Variants in ITPR1 observed in about 807,000 individuals in gnomAD.
ITPR1 encodes inositol 1,4,5-trisphosphate-gated calcium channel ITPR1.
ITPR1 carries 96 observed loss-of-function variants against 318.4 expected under a neutral mutation model. The ratio of observed to expected loss-of-function variants is 0.30; its 90% CI spans 0.26 to 0.36. The LOEUF (loss-of-function observed/expected upper bound fraction) is 0.36, where lower values mean the gene tolerates loss of function less well. ITPR1 is among the 10% of genes least tolerant of loss of function. The pLI is 1.00. For synonymous variants in ITPR1, 1,312 were observed against 1,289.9 expected (o/e 1.02, Z -0.37); for missense variants, 2,440 against 3,460.2 (o/e 0.71, Z 7.40).
intron 2 of ITPR1, among the ~76,000 whole-genome samples, chr3:4,509,157 AG>A (rs2081613098): frequency 1.3e-5 from 2 of 152,210 alleles, no homozygotes; most frequent in Non-Finnish European, 1.5e-5. Context: ...GAAATATGAA[AG>A]GTTGCCCCCT....
At chr3:4,732,846 A>G (rs2043020342) in intron 42 of ITPR1, among the ~76,000 whole-genome samples, 1 of 152,136 alleles carries the variant, frequency 6.6e-6, no homozygotes, top group Non-Finnish European at 1.5e-5. Context: ...CTGTCTTATC[A>G]TTGTGTGAGA....
At chr3:4,737,088 G>C (rs2043327595) in intron 44 of ITPR1, among the ~76,000 whole-genome samples, 1 of 152,094 alleles carries the variant, frequency 6.6e-6, no homozygotes, top group African/African-American at 2.4e-5. Context: ...AAATGGTGTT[G>C]ATTATGGATG....
intron 47 of ITPR1, among the ~76,000 whole-genome samples, chr3:4,776,539 T>C (rs1158188250): frequency 6.6e-6 from 1 of 152,196 alleles, no homozygotes; most frequent in Non-Finnish European, 1.5e-5. Flanking sequence ...ACTCATTGTC[T>C]ATTAAAAACC....
At chr3:4,783,264 T>A (rs906577056) in intron 50 of ITPR1, among the ~76,000 whole-genome samples, 1 of 152,132 alleles carries the variant, frequency 6.6e-6, no homozygotes, top group Non-Finnish European at 1.5e-5. Context: ...AGAGCCTTTC[T>A]CTTTTTGGAT....
At chr3:4,638,182 CT>C (rs997571048) in intron 5 of ITPR1, among the ~76,000 whole-genome samples, 4 of 152,312 alleles carry the variant, frequency 2.6e-5, no homozygotes, top group African/African-American at 9.6e-5. Context: ...CTGGTAGCAT[CT>C]GGCCCCAAGG....
At chr3:4,569,244 TTA>T (rs2087726994) in intron 4 of ITPR1, among the ~76,000 whole-genome samples, 1 of 152,244 alleles carries the variant, frequency 6.6e-6, no homozygotes, top group South Asian at 2.1e-4. Flanking sequence ...TAAATTTGCC[TTA>T]TTTTTATTTT....
chr3:4,703,847 C>T (rs4510365), intron 36 of ITPR1, among the ~76,000 whole-genome samples: 42,650 of 152,014 alleles, frequency 0.28, 6,900 homozygotes, highest in Non-Finnish European at 0.38. Flanking sequence ...GGCCGTATTT[C>T]ACAGTAAGAA....
chr3:4,655,837 A>T (rs1055114432), intron 12 of ITPR1, among the ~76,000 whole-genome samples: 1 of 152,032 alleles, frequency 6.6e-6, no homozygotes, highest in Non-Finnish European at 1.5e-5. Context: ...GTGCATGGAG[A>T]GGGGATCTTA....
intron 14 of ITPR1, 135 bp from the exon 15 acceptor site, chr3:4,661,947 T>C: frequency 1.5e-6 from 1 of 673,274 alleles, no homozygotes. Flanking sequence ...TGTAGATTTT[T>C]TTCCTATATC....
chr3:4,729,169 G>A (rs760844370), intron 42 of ITPR1, among the ~76,000 whole-genome samples: 1 of 152,188 alleles, frequency 6.6e-6, no homozygotes, highest in African/African-American at 2.4e-5. Flanking sequence ...ACAGGTTCAA[G>A]TTTTGGGGTT....
At chr3:4,807,409 C>T (rs568005125) in intron 55 of ITPR1, among the ~76,000 whole-genome samples, 4 of 152,322 alleles carry the variant, frequency 2.6e-5, no homozygotes, top group Non-Finnish European at 4.4e-5. Flanking sequence ...GCTCCCTTCG[C>T]TTAACGTACT....
At chr3:4,620,103 G>A (rs187694483) in intron 4 of ITPR1, among the ~76,000 whole-genome samples, 1 of 152,226 alleles carries the variant, frequency 6.6e-6, no homozygotes, top group East Asian at 1.9e-4. Flanking sequence ...ATGGTCTGCA[G>A]TGGACCCAGT....
At chr3:4,621,875 A>G in intron 4 of ITPR1, among the ~76,000 whole-genome samples, 1 of 152,206 alleles carries the variant, frequency 6.6e-6, no homozygotes, top group East Asian at 1.9e-4. Flanking sequence ...CCAAGTTCAG[A>G]TGCCACAGTC....
intron 8 of ITPR1, among the ~76,000 whole-genome samples, chr3:4,644,597 C>A (rs779104121): frequency 6.6e-6 from 1 of 152,172 alleles, no homozygotes; most frequent in Non-Finnish European, 1.5e-5. Context: ...TTTAACTGTT[C>A]AAAAAGGAAC....
At chr3:4,539,654 GGGCCTTTAAGAGGTGATTCATTCAT>G (rs1309116506) in intron 4 of ITPR1, among the ~76,000 whole-genome samples, 1 of 152,110 alleles carries the variant, frequency 6.6e-6, no homozygotes, top group Non-Finnish European at 1.5e-5. Context: ...TTGAGAAGTG[GGGCCTTTAAGAGGTGATTCATTCAT>G]GGACTAATGG....
chr3:4,517,541 C>T (rs577405658), intron 3 of ITPR1, among the ~76,000 whole-genome samples: 2 of 152,274 alleles, frequency 1.3e-5, no homozygotes, highest in African/African-American at 4.8e-5. Context: ...GCAGGTTACT[C>T]CACACTCAGG....
intron 4 of ITPR1, among the ~76,000 whole-genome samples, chr3:4,602,617 A>G (rs1450595814): frequency 1.3e-5 from 2 of 152,080 alleles, no homozygotes; most frequent in African/African-American, 2.4e-5. Context: ...TCAAATGTCC[A>G]TCAGCTAATA....
intron 44 of ITPR1, among the ~76,000 whole-genome samples, chr3:4,758,140 C>T (rs1381637996): frequency 1.3e-5 from 2 of 152,094 alleles, no homozygotes; most frequent in Non-Finnish European, 2.9e-5. Flanking sequence ...AGTGAGCAGC[C>T]GTGGTGAGTG....
chr3:4,695,048 A>C (rs957082465), intron 33 of ITPR1, among the ~76,000 whole-genome samples: 7 of 152,226 alleles, frequency 4.6e-5, no homozygotes, highest in Non-Finnish European at 8.8e-5. Flanking sequence ...TTTCATATCA[A>C]TTCATAAAAA....
Sources: gnomAD v4.1 joint callset for allele counts (sites outside exome capture counted in the v4.1 genomes callset) on GRCh38, gnomAD v4.1.1 for gene constraint, MANE v1.5 for transcripts, NCBI Gene and HGNC (gene_info 2026-07-23, HGNC 2026-07-21) for gene names.